Variants in ULK4 observed in about 807,000 individuals in gnomAD.
ULK4 encodes inactive serine/threonine-protein kinase ULK4.
In ULK4, 133 loss-of-function variants were observed where a neutral mutation model predicts 160.6. The ratio of observed to expected loss-of-function variants is 0.83; its 90% CI spans 0.72 to 0.96. The LOEUF (loss-of-function observed/expected upper bound fraction) is 0.96. Among genes scored for constraint, ULK4 ranks in the 40% least tolerant of loss-of-function variants. ULK4 has a pLI of 0.00. For synonymous variants in ULK4, 534 were observed against 539.8 expected, an observed-to-expected ratio of 0.99 and a Z score of 0.15; for missense variants, 1,580 against 1,499.5, an observed-to-expected ratio of 1.05 and a Z score of -0.89.
rs1416889632 is a variant in ULK4 at position 41,821,337 on chromosome 3, C to T, written c.1765-1831G>A. Among the ~76,000 whole-genome samples the T allele has an allele frequency of 2.1e-5, 3 of 141,582 alleles. No homozygotes were observed. The East Asian group carries it at 5.9e-4, about 28-fold the overall frequency. The allele number at this position is 141,582 out of a possible 152,430, so 92.9% of individuals were successfully genotyped here. ...GCATCCTCAGGGGACCTTCAACATCCATCTCCAGACCTACTATTTCTCTTA... is the reference window on the plus strand; with the variant it reads ...GCATCCTCAGGGGACCTTCAACATCTATCTCCAGACCTACTATTTCTCTTA... On this transcript the variant is annotated intron_variant, in intron 18 of 36. Coordinates refer to ENST00000301831, the MANE Select transcript of ULK4 (RefSeq NM_017886.4).
Position 41,431,547 on chromosome 3 carries a change from C to CTTTTTTTTTT in ULK4, c.3492+23940_3492+23949dup, listed in dbSNP as rs1553664758. 2.8e-3 allele frequency among the ~76,000 whole-genome samples: 264 copies of CTTTTTTTTTT among 95,806 alleles called. 24 individuals are homozygous for CTTTTTTTTTT. Among genetic ancestry groups the CTTTTTTTTTT allele is most frequent in the African/African-American group, 0.01 (246 of 23,642 alleles). 62.9% of individuals were successfully genotyped at this position (95,806 alleles called of 152,430 possible). A position where few individuals can be genotyped will look rare whatever the true frequency, so the allele number is the denominator to read the frequency against. On this transcript the variant is annotated intron_variant, in intron 34 of 36. Transcript: ENST00000301831. ...CCTGTGAGGTGTTGTAATTCCCTCCCTTTTTTTTTTTTTTTGATGTGGAAA... is the reference window on the plus strand; with the variant it reads ...CCTGTGAGGTGTTGTAATTCCCTCCCTTTTTTTTTTTTTTTTTTTTTTTTTGATGTGGAAA...
At chr3:41,564,449 C>CTTTTTTTTTTT (rs71075476) in intron 32 of ULK4, among the ~76,000 whole-genome samples, 1 of 80,930 alleles carries the variant, frequency 1.2e-5, no homozygotes, top group African/African-American at 4.8e-5. Context: ...TCTTCTTCTT[C>CTTTTTTTTTTT]TTTTTTTTTT....
chr3:41,769,578 T>C (rs1442356772), intron 21 of ULK4, among the ~76,000 whole-genome samples: 1 of 152,234 alleles, frequency 6.6e-6, no homozygotes, highest in African/African-American at 2.4e-5. Context: ...AACAAGGTTA[T>C]GTCCAGCATT....
At chr3:41,485,839 A>G (rs1016149613) in intron 32 of ULK4, among the ~76,000 whole-genome samples, 2 of 152,258 alleles carry the variant, frequency 1.3e-5, no homozygotes, top group African/African-American at 4.8e-5. Flanking sequence ...AATTCAAGTT[A>G]TAAGGGGACT....
At chr3:41,548,525 G>T (rs1022045175) in intron 32 of ULK4, among the ~76,000 whole-genome samples, 1 of 152,110 alleles carries the variant, frequency 6.6e-6, no homozygotes, top group Non-Finnish European at 1.5e-5. Context: ...CCACATGGGG[G>T]CATGGAGACT....
intron 34 of ULK4, among the ~76,000 whole-genome samples, chr3:41,428,830 A>T (rs1188782053): frequency 1.3e-5 from 2 of 152,170 alleles, no homozygotes; most frequent in Admixed American, 1.3e-4. Flanking sequence ...AGGCAATACC[A>T]TTCAGGACAC....
chr3:41,449,578 A>C (rs573324202), intron 34 of ULK4, among the ~76,000 whole-genome samples: 2 of 152,108 alleles, frequency 1.3e-5, no homozygotes, highest in African/African-American at 4.8e-5. Flanking sequence ...ACCATAAACC[A>C]TAATCACCAT....
At chr3:41,621,232 A>C (rs2033231993) in intron 30 of ULK4, among the ~76,000 whole-genome samples, 2 of 152,208 alleles carry the variant, frequency 1.3e-5, no homozygotes, top group African/African-American at 4.8e-5. Flanking sequence ...TCAAGCTACC[A>C]TTGACTTTCT....
chr3:41,730,862 G>A (rs1193142034), intron 22 of ULK4, among the ~76,000 whole-genome samples: 2 of 152,140 alleles, frequency 1.3e-5, no homozygotes, highest in East Asian at 3.8e-4. Flanking sequence ...TCCCAGGGAT[G>A]CAAGGATGGT....
chr3:41,841,423 G>A (rs1251175527), intron 17 of ULK4, among the ~76,000 whole-genome samples: 32 of 148,164 alleles, frequency 2.2e-4, no homozygotes, highest in Admixed American at 1.6e-3. Context: ...GTGCCCGGCC[G>A]CCCCGTCTGG....
intron 30 of ULK4, among the ~76,000 whole-genome samples, chr3:41,622,644 A>C (rs1022803753): frequency 1.3e-4 from 20 of 152,116 alleles, no homozygotes; most frequent in African/African-American, 4.6e-4. Flanking sequence ...CAAATACCTA[A>C]TGCATGCAGA....
At chr3:41,449,346 G>T (rs925481099) in intron 34 of ULK4, among the ~76,000 whole-genome samples, 5 of 152,102 alleles carry the variant, frequency 3.3e-5, no homozygotes, top group Non-Finnish European at 5.9e-5. Context: ...TTTTCAGGAG[G>T]TACTTATGAG....
intron 20 of ULK4, among the ~76,000 whole-genome samples, chr3:41,799,460 C>A (rs1290394716): frequency 6.6e-6 from 1 of 152,136 alleles, no homozygotes; most frequent in African/African-American, 2.4e-5. Context: ...TCATTTGACA[C>A]AAAATCTGAA....
At chr3:41,918,054 G>A (rs1226353943) in intron 7 of ULK4, among the ~76,000 whole-genome samples, 2 of 151,864 alleles carry the variant, frequency 1.3e-5, no homozygotes, top group Non-Finnish European at 2.9e-5. Context: ...AAACTTATAA[G>A]GGTAGCATTC....
At chr3:41,250,276 G>A (rs2078721335) in intron 35 of ULK4, among the ~76,000 whole-genome samples, 1 of 152,136 alleles carries the variant, frequency 6.6e-6, no homozygotes, top group African/African-American at 2.4e-5. Flanking sequence ...GAGAAGAGAA[G>A]GCTTTGATTC....
At chr3:41,451,983 C>CA (rs1428787905) in intron 34 of ULK4, among the ~76,000 whole-genome samples, 7 of 152,086 alleles carry the variant, frequency 4.6e-5, no homozygotes, top group Non-Finnish European at 8.8e-5. Flanking sequence ...TATTTAAATG[C>CA]AAAATCCTCA....
intron 32 of ULK4, among the ~76,000 whole-genome samples, chr3:41,476,228 CTAA>C (rs576658916): frequency 3.3e-5 from 5 of 152,116 alleles, no homozygotes; most frequent in Admixed American, 6.5e-5. Flanking sequence ...AATTAGACTA[CTAA>C]TGTTGGTGAA....
chr3:41,775,479 A>C (rs1014735653), intron 21 of ULK4, among the ~76,000 whole-genome samples: 2 of 148,976 alleles, frequency 1.3e-5, no homozygotes, highest in Non-Finnish European at 2.9e-5. Context: ...GCTCACTGCA[A>C]CCTCCACCTC....
intron 35 of ULK4, among the ~76,000 whole-genome samples, chr3:41,261,738 T>C (rs1413406508): frequency 6.6e-6 from 1 of 152,334 alleles, no homozygotes; most frequent in East Asian, 1.9e-4. Flanking sequence ...TGGAAGTTGT[T>C]GCTCTTGACC....
Sources: gnomAD v4.1 joint callset for allele counts (sites outside exome capture counted in the v4.1 genomes callset) on GRCh38, gnomAD v4.1.1 for gene constraint, MANE v1.5 for transcripts, NCBI Gene and HGNC (gene_info 2026-07-23, HGNC 2026-07-21) for gene names.